The following CCDC50 variants were observed in gnomAD, a reference collection of about 807,000 sequenced individuals.
The protein encoded by CCDC50 is coiled-coil domain containing 50, also known as coiled-coil domain-containing protein 50.
A neutral mutation model predicts 70.2 loss-of-function variants in CCDC50; 54 were observed. The ratio of observed to expected loss-of-function variants is 0.77; its 90% CI spans 0.62 to 0.96. The LOEUF (loss-of-function observed/expected upper bound fraction) is 0.96. Among genes scored for constraint, CCDC50 ranks in the 50% least tolerant of loss-of-function variants. The pLI is 0.00. For synonymous variants in CCDC50, 216 were observed against 198.8 expected (o/e 1.09, Z -0.73); for missense variants, 558 against 578.7 (o/e 0.96, Z 0.37).
intron 1 of CCDC50, among the ~76,000 whole-genome samples, chr3:191,344,754 A>AG (rs1711851627): frequency 6.6e-6 from 1 of 151,942 alleles, no homozygotes; most frequent in African/African-American, 2.4e-5. Flanking sequence ...AATTTTTTGT[A>AG]TTTTTGTGGA....
intron 3 of CCDC50, among the ~76,000 whole-genome samples, chr3:191,359,171 ATT>A (rs1409539063): frequency 6.6e-6 from 1 of 152,178 alleles, no homozygotes. Context: ...TTTCAGGCCT[ATT>A]TAGAGAGAAG....
At chr3:191,373,221 A>T (rs1305482461) in intron 5 of CCDC50, among the ~76,000 whole-genome samples, 1 of 152,090 alleles carries the variant, frequency 6.6e-6, no homozygotes, top group Non-Finnish European at 1.5e-5. Flanking sequence ...CAACTGTATG[A>T]GGTTTTAAAG....
At position 191,348,244 on chromosome 3, in the gene CCDC50, G is replaced by C. The variant is rs1171984639; in HGVS notation, c.50-8844G>C. Among the ~76,000 whole-genome samples, 4 of 141,390 alleles carry C rather than the reference G, an allele frequency of 2.8e-5. 1 individual carries two copies. The highest frequency in any genetic ancestry group is 6.4e-5 in the Non-Finnish European group (4 of 62,800). 92.8% of individuals were successfully genotyped at this position (141,390 alleles called of 152,430 possible). Reference sequence around the variant, plus strand: ...GGGTGCTTTGGGCAGATGGAACACAGAGATTCCCCCACCATCATCTGTGTA... The same window carrying C: ...GGGTGCTTTGGGCAGATGGAACACACAGATTCCCCCACCATCATCTGTGTA... On this transcript the variant is annotated intron_variant, in intron 1 of 11. Coordinates refer to ENST00000392455, the MANE Select transcript of CCDC50 (RefSeq NM_178335.3).
At chr3:191,382,102 C>T (rs1200715548) in intron 9 of CCDC50, among the ~76,000 whole-genome samples, 1 of 152,042 alleles carries the variant, frequency 6.6e-6, no homozygotes, top group East Asian at 1.9e-4. Flanking sequence ...AAATAATTAC[C>T]CAGGAGTTTC....
chr3:191,363,164 C>T (rs951233020), intron 4 of CCDC50, among the ~76,000 whole-genome samples: 26 of 151,554 alleles, frequency 1.7e-4, no homozygotes, highest in African/African-American at 5.3e-4. Flanking sequence ...AAATAGTAAT[C>T]ATAGTAAGTA....
At chr3:191,340,992 A>T (rs914812950) in intron 1 of CCDC50, among the ~76,000 whole-genome samples, 5 of 145,932 alleles carry the variant, frequency 3.4e-5, no homozygotes, top group African/African-American at 1.3e-4. Flanking sequence ...CAGCTAATTA[A>T]TTTTTTTTTT....
chr3:191,380,046 A>G (rs1413462455), intron 6 of CCDC50, 113 bp from the exon 7 acceptor site: 4 of 695,112 alleles, frequency 5.8e-6, no homozygotes, highest in Middle Eastern at 3.5e-4. Flanking sequence ...GAGTAGAGGT[A>G]GTATTGTCAT....
rs568418437 is a variant in CCDC50, at chr3:191,389,016, G to T, written c.1323-480G>T. 4.0e-5 allele frequency among the ~76,000 whole-genome samples: 6 copies of T among 151,780 alleles called. No homozygotes were observed. The East Asian group carries it at 1.2e-3, about 29-fold the overall frequency. On this transcript the variant is annotated intron_variant, in intron 10 of 11. Transcript: ENST00000392455. ...TTAAGATCTGTTTTGCCACCTAGTGGATAAAGGAACTTTGCTCATGAAATT... is the reference window on the plus strand; with the variant it reads ...TTAAGATCTGTTTTGCCACCTAGTGTATAAAGGAACTTTGCTCATGAAATT...
Position 191,380,568 on chromosome 3 carries a change from A to G in CCDC50, c.1093-119A>G, listed in dbSNP as rs1713282055. ...GGTGAAAGCATACCAACTGATTATC[A>G]ACCTCAGGAACATGAGTCACAATTA... On this transcript the variant is annotated intron_variant, in intron 7 of 11. Transcript: ENST00000392455. 1.6e-5 allele frequency: 16 copies of G among 978,934 alleles called. No homozygotes were observed. The South Asian group carries it at 1.7e-4, about 10-fold the overall frequency. The allele number at this position is 978,934 out of a possible 1,614,324, so 60.6% of individuals were successfully genotyped here.
rs562288324 is a variant in CCDC50, at chr3:191,370,390, G to T, written c.448+354G>T. The T allele has an allele frequency of 5.0e-5, 14 of 277,354 alleles. 1 individual carries two copies. Among genetic ancestry groups the T allele is most frequent in the South Asian group, 3.9e-4 (12 of 30,578 alleles). The allele number at this position is 277,354 out of a possible 1,614,324, so 17.2% of individuals were successfully genotyped here. A position where few individuals can be genotyped will look rare whatever the true frequency, so the allele number is the denominator to read the frequency against. Reference sequence around the variant, plus strand: ...TCCCCCCACCCCACAACAGGCCCCGGTGTGTGATGTTTGCCTTCCTGTATA... The same window carrying T: ...TCCCCCCACCCCACAACAGGCCCCGTTGTGTGATGTTTGCCTTCCTGTATA... On this transcript the variant is annotated intron_variant, in intron 5 of 11. Transcript: ENST00000392455.
intron 1 of CCDC50, among the ~76,000 whole-genome samples, chr3:191,353,418 A>G (rs1712168375): frequency 7.1e-6 from 1 of 141,650 alleles, no homozygotes; most frequent in Non-Finnish European, 1.6e-5. Context: ...GGGAGGGTGA[A>G]AGGTGGTTCA....
intron 6 of CCDC50, 87 bp from the exon 7 acceptor site, chr3:191,380,072 A>G (rs1193997423): frequency 4.9e-6 from 4 of 816,302 alleles, no homozygotes; most frequent in Non-Finnish European, 8.1e-6. Context: ...GCTACTAAAG[A>G]AAAATCTCCT....
chr3:191,340,310 A>T (rs953655344), intron 1 of CCDC50, among the ~76,000 whole-genome samples: 1 of 152,238 alleles, frequency 6.6e-6, no homozygotes, highest in Non-Finnish European at 1.5e-5. Flanking sequence ...CTTATATACT[A>T]TCATAAAGTC....
At chr3:191,335,147 A>G (rs1260160355) in intron 1 of CCDC50, among the ~76,000 whole-genome samples, 1 of 152,208 alleles carries the variant, frequency 6.6e-6, no homozygotes, top group Non-Finnish European at 1.5e-5. Context: ...ATTTTTCCTC[A>G]GTGACAAAAA....
chr3:191,365,522 T>G (rs924168499), intron 4 of CCDC50, among the ~76,000 whole-genome samples: 3 of 152,180 alleles, frequency 2.0e-5, no homozygotes, highest in Non-Finnish European at 2.9e-5. Context: ...ACTATTATAC[T>G]GATGTTTTTA....
At chr3:191,363,715 G>A (rs897834076) in intron 4 of CCDC50, among the ~76,000 whole-genome samples, 11 of 152,180 alleles carry the variant, frequency 7.2e-5, no homozygotes, top group Admixed American at 3.9e-4. Flanking sequence ...GCCCTCAGTA[G>A]AGTGGAAAAG....
At chr3:191,334,038 G>A (rs1718067458) in intron 1 of CCDC50, among the ~76,000 whole-genome samples, 1 of 152,024 alleles carries the variant, frequency 6.6e-6, no homozygotes, top group Admixed American at 6.6e-5. Context: ...TTGTGTTTTT[G>A]ATTTTTACTT....
intron 10 of CCDC50, among the ~76,000 whole-genome samples, chr3:191,386,267 C>T (rs975769858): frequency 1.4e-5 from 2 of 146,952 alleles, no homozygotes. Flanking sequence ...CTCTGCCACC[C>T]AGGCTGGAGT....
chr3:191,367,292 A>C (rs17753967), intron 4 of CCDC50, among the ~76,000 whole-genome samples: 48,231 of 151,812 alleles, frequency 0.32, 7,668 homozygotes, highest in Non-Finnish European at 0.32. Context: ...GTGGCGTATT[A>C]CTATGCTTCC....
Sources: gnomAD v4.1 joint callset for allele counts (sites outside exome capture counted in the v4.1 genomes callset) on GRCh38, gnomAD v4.1.1 for gene constraint, MANE v1.5 for transcripts, NCBI Gene and HGNC (gene_info 2026-07-23, HGNC 2026-07-21) for gene names.